SLCO1B3: variants seen among roughly 807,000 people sequenced by gnomAD.
SLCO1B3 encodes the protein liver-specific organic anion transporter 2.
Under a neutral mutation model 71.8 loss-of-function variants are expected in SLCO1B3, and 72 were observed. The observed-to-expected ratio is 1.00, with a 90% CI of 0.83 to 1.22. The LOEUF (loss-of-function observed/expected upper bound fraction) is 1.22, where lower values mean the gene tolerates loss of function less well. Ranked by LOEUF, SLCO1B3 falls within the 50% of genes most tolerant of loss-of-function variation. The pLI, the probability that SLCO1B3 is intolerant of heterozygous loss-of-function variation, is 0.00. For synonymous variants in SLCO1B3, 298 were observed against 278.4 expected, an observed-to-expected ratio of 1.07 and a Z score of -0.70; for missense variants, 911 against 819.7, an observed-to-expected ratio of 1.11 and a Z score of -1.36.
rs746243696 is a variant in SLCO1B3, at chr12:20,862,675, T to TGTA, written c.629-81_629-80insGTA. On this transcript the variant is annotated intron_variant, in intron 7 of 15. Coordinates refer to ENST00000381545, the MANE Select transcript of SLCO1B3 (RefSeq NM_019844.4). ...GAAAAATATTTGCAGAAGTGTATTG[T>TGTA]ATAATATTACTTTTAAAAGCATGTT... The TGTA allele has an allele frequency of 3.8e-4, 547 of 1,456,196 alleles. 1 individual carries two copies. The highest frequency in any genetic ancestry group is 5.1e-4 in the Non-Finnish European group (534 of 1,054,176). 90.2% of individuals were successfully genotyped at this position (1,456,196 alleles called of 1,614,324 possible).
intron 2 of SLCO1B3, among the ~76,000 whole-genome samples, chr12:20,814,212 TAA>T (rs2121064526): frequency 6.6e-6 from 1 of 152,308 alleles, no homozygotes; most frequent in East Asian, 1.9e-4. Flanking sequence ...CTGTTCTATA[TAA>T]AAGAGTCAAC....
chr12:20,871,804 C>A (rs1449432159), intron 8 of SLCO1B3, among the ~76,000 whole-genome samples: 1 of 152,124 alleles, frequency 6.6e-6, no homozygotes, highest in East Asian at 1.9e-4. Context: ...GCCCCCCAAC[C>A]ACTGAGACTG....
chr12:20,814,093 T>C (rs1864151156), intron 2 of SLCO1B3, among the ~76,000 whole-genome samples: 1 of 152,170 alleles, frequency 6.6e-6, no homozygotes, highest in African/African-American at 2.4e-5. Context: ...ATACATAACA[T>C]ATACCTATAT....
intron 3 of SLCO1B3, among the ~76,000 whole-genome samples, chr12:20,816,703 G>C (rs573384008): frequency 6.6e-6 from 1 of 152,058 alleles, no homozygotes; most frequent in African/African-American, 2.4e-5. Flanking sequence ...CTTTCTTTTG[G>C]GTATATACCC....
chr12:20,866,927 G>T (rs7963762), intron 8 of SLCO1B3, among the ~76,000 whole-genome samples: 3,115 of 152,148 alleles, frequency 0.02, 111 homozygotes, highest in African/African-American at 0.07. Flanking sequence ...TTAGTCTTTT[G>T]GTTGTATGAC....
At chr12:20,859,698 T>G (rs1487439721) in intron 5 of SLCO1B3, among the ~76,000 whole-genome samples, 1 of 152,120 alleles carries the variant, frequency 6.6e-6, no homozygotes, top group Non-Finnish European at 1.5e-5. Context: ...TTATGGAGAA[T>G]ATGCCTTAAA....
intron 15 of SLCO1B3, among the ~76,000 whole-genome samples, chr12:20,904,267 G>T (rs1479805487): frequency 6.6e-6 from 1 of 151,094 alleles, no homozygotes; most frequent in African/African-American, 2.4e-5. Context: ...TTACTTCCAA[G>T]ATACAATGGG....
chr12:20,903,073 C>CA (rs55777703), intron 15 of SLCO1B3, among the ~76,000 whole-genome samples: 4,837 of 128,500 alleles, frequency 0.038, 299 homozygotes, highest in African/African-American at 0.13. Flanking sequence ...GATTCCATCT[C>CA]AAAAAAAAAA....
chr12:20,848,457 G>A (rs1864958756), intron 3 of SLCO1B3, among the ~76,000 whole-genome samples: 1 of 152,090 alleles, frequency 6.6e-6, no homozygotes, highest in African/African-American at 2.4e-5. Flanking sequence ...CAGGCTTACT[G>A]TACAATCCTG....
At chr12:20,820,339 A>C (rs1443028534) in intron 3 of SLCO1B3, among the ~76,000 whole-genome samples, 2 of 152,078 alleles carry the variant, frequency 1.3e-5, no homozygotes, top group Admixed American at 1.3e-4. Context: ...GGGCTCTGGG[A>C]GTGGCTGCCA....
At chr12:20,854,124 G>T (rs4343075) in intron 3 of SLCO1B3, among the ~76,000 whole-genome samples, 1 of 151,852 alleles carries the variant, frequency 6.6e-6, no homozygotes, top group African/African-American at 2.4e-5. Flanking sequence ...TGTGGGCCAC[G>T]GTGGTCTATC....
chr12:20,831,899 G>A lies in SLCO1B3; in HGVS notation c.84+16077G>A, dbSNP rs568120818. Among the ~76,000 whole-genome samples, 18 of 152,214 alleles carry A rather than the reference G, an allele frequency of 1.2e-4. No homozygotes were observed. In the South Asian group the frequency reaches 3.7e-3, roughly 32 times the overall value. The stretch of plus-strand genomic sequence containing the variant: ...GATATTGCGCTAGTGTTTTGTTTGC[G>A]TTAATAGATTTTCTTCCTTACCACA... On this transcript the variant is annotated intron_variant, in intron 3 of 15. Transcript: ENST00000381545.
chr12:20,853,664 CA>C (rs1410097030), intron 3 of SLCO1B3, among the ~76,000 whole-genome samples: 6 of 151,812 alleles, frequency 4.0e-5, no homozygotes, highest in Non-Finnish European at 7.4e-5. Context: ...TTGATATATT[CA>C]AAAGACCAAC....
intron 5 of SLCO1B3, among the ~76,000 whole-genome samples, chr12:20,860,329 AC>A (rs1216504202): frequency 3.9e-5 from 6 of 152,158 alleles, no homozygotes; most frequent in South Asian, 2.1e-4. Flanking sequence ...CTTCGATCAT[AC>A]ACATTTATCT....
chr12:20,915,365 T>C (rs1866470833), intron 15 of SLCO1B3, among the ~76,000 whole-genome samples: 1 of 152,230 alleles, frequency 6.6e-6, no homozygotes, highest in Non-Finnish European at 1.5e-5. Context: ...ATTGCTAACC[T>C]TTCTTACATT....
At chr12:20,891,313 AT>A (rs35786308) in intron 13 of SLCO1B3, among the ~76,000 whole-genome samples, 25,566 of 145,274 alleles carry the variant, frequency 0.18, 2,294 homozygotes, top group Middle Eastern at 0.3. Flanking sequence ...CTTGGCTGGC[AT>A]TTTTTTTTTT....
chr12:20,853,334 T>C lies in SLCO1B3; in HGVS notation c.85-1694T>C, dbSNP rs149333322. Among the ~76,000 whole-genome samples the C allele has an allele frequency of 2.7e-3, 404 of 152,214 alleles. 1 individual carries two copies. The highest frequency in any genetic ancestry group is 9.0e-3 in the African/African-American group (373 of 41,566). On this transcript the variant is annotated intron_variant, in intron 3 of 15. Transcript: ENST00000381545. ...TGTTACTTATTCTTTAGGAGTTTGG[T>C]AAAATTCTCTAGTGAAGACATTGGT...
intron 8 of SLCO1B3, among the ~76,000 whole-genome samples, chr12:20,867,438 A>C (rs1211569175): frequency 6.6e-6 from 1 of 152,178 alleles, no homozygotes; most frequent in Non-Finnish European, 1.5e-5. Context: ...TGGCCAAAAA[A>C]AAAAAAGGTG....
At position 20,877,921 on chromosome 12, in the gene SLCO1B3, GCTAA is replaced by G; in HGVS notation, c.1123_1126del (p.Asn375PhefsTer6). On this transcript the variant is annotated frameshift_variant, in exon 10 of 16. Coordinates refer to ENST00000381545, the MANE Select transcript of SLCO1B3 (RefSeq NM_019844.4). LOFTEE classifies it high-confidence loss of function. ...ACAGTACGGTCAGTCTGCATCTCAT[GCTAA>G]CTTTTTGTTGGGTAAGACATATTTT... is the stretch of plus-strand genomic sequence containing the variant. 3 of 1,589,246 alleles carry G rather than the reference GCTAA, an allele frequency of 1.9e-6. No individual in the cohort carries two copies. Among genetic ancestry groups the G allele is most frequent in the Non-Finnish European group, 2.6e-6 (3 of 1,170,262 alleles).
Sources: gnomAD v4.1 joint callset for allele counts (sites outside exome capture counted in the v4.1 genomes callset) on GRCh38, gnomAD v4.1.1 for gene constraint, MANE v1.5 for transcripts, NCBI Gene and HGNC (gene_info 2026-07-23, HGNC 2026-07-21) for gene names.